The following IFT43 variants were observed in gnomAD, a reference collection of about 807,000 sequenced individuals.
IFT43 encodes intraflagellar transport protein 43 homolog.
A neutral mutation model predicts 32.3 loss-of-function variants in IFT43; 33 were observed. The observed-to-expected ratio is 1.02, with a 90% CI of 0.77 to 1.37. IFT43 has a LOEUF of 1.37. Ranked by LOEUF, IFT43 falls within the 40% of genes most tolerant of loss-of-function variation. The pLI is 0.00. For synonymous variants in IFT43, 93 were observed against 98.2 expected, an observed-to-expected ratio of 0.95 and a Z score of 0.31; for missense variants, 274 against 265.9, an observed-to-expected ratio of 1.03 and a Z score of -0.21.
At chr14:76,035,957 A>G (rs574015809) in intron 3 of IFT43, among the ~76,000 whole-genome samples, 2 of 152,346 alleles carry the variant, frequency 1.3e-5, no homozygotes, top group East Asian at 1.9e-4. Flanking sequence ...TCAGACATAT[A>G]TAAGGGCACA....
At chr14:76,060,760 A>AT (rs747539734) in intron 5 of IFT43, among the ~76,000 whole-genome samples, 7 of 151,814 alleles carry the variant, frequency 4.6e-5, no homozygotes, top group Non-Finnish European at 7.4e-5. Flanking sequence ...TTCTTTTAGC[A>AT]TTTTAAATAG....
In IFT43 at chr14:76,064,288, G is replaced by A. The variant is rs76708232; in HGVS notation, c.295+4915G>A. On this transcript the variant is annotated intron_variant, in intron 5 of 8. Transcript: ENST00000314067. ...GTTTTCCTAGATAGGTACCTAAGATGTCTTTTACCAGTGCTAAATTGTCAC... is the reference window on the plus strand; with the variant it reads ...GTTTTCCTAGATAGGTACCTAAGATATCTTTTACCAGTGCTAAATTGTCAC... Among the ~76,000 whole-genome samples, 30 of 152,286 alleles carry A rather than the reference G, an allele frequency of 2.0e-4. 1 individual carries two copies. The East Asian group carries it at 5.2e-3, about 26-fold the overall frequency.
At chr14:75,989,056 T>C in intron 2 of IFT43, 79 bp downstream of exon 2, 1 of 1,533,132 alleles carries the variant, frequency 6.5e-7, no homozygotes, top group Non-Finnish European at 8.9e-7. Flanking sequence ...GGATTTGGTA[T>C]TCCATATTTC....
chr14:76,055,180 C>T (rs995449222), intron 3 of IFT43, among the ~76,000 whole-genome samples: 1 of 151,616 alleles, frequency 6.6e-6, no homozygotes, highest in Non-Finnish European at 1.5e-5. Context: ...CCTGTTTCTA[C>T]GAAAAATAGA....
intron 3 of IFT43, chr14:76,058,416 A>G: frequency 2.0e-6 from 1 of 489,136 alleles, no homozygotes; most frequent in East Asian, 4.0e-5. Context: ...TACACTCTCA[A>G]CAATCCAATT....
intron 2 of IFT43, among the ~76,000 whole-genome samples, chr14:75,996,719 G>A (rs1287972664): frequency 6.6e-6 from 1 of 152,172 alleles, no homozygotes; most frequent in East Asian, 1.9e-4. Flanking sequence ...TCTGAAGGTC[G>A]ACAGTCTTTC....
At chr14:76,044,136 A>G (rs1462148860) in intron 3 of IFT43, among the ~76,000 whole-genome samples, 1 of 149,164 alleles carries the variant, frequency 6.7e-6, no homozygotes, top group Non-Finnish European at 1.5e-5. Context: ...TGTAACCTCC[A>G]CCTTCCGCCC....
At chr14:76,058,850 G>GGTCT (rs1156854754) in intron 4 of IFT43, 176 bp downstream of exon 4, 1 of 1,523,352 alleles carries the variant, frequency 6.6e-7, no homozygotes, top group Non-Finnish European at 8.8e-7. Context: ...CTCAACTGAA[G>GGTCT]GTCTGGACCC....
At chr14:75,990,609 T>C (rs780290227) in intron 2 of IFT43, among the ~76,000 whole-genome samples, 1 of 151,922 alleles carries the variant, frequency 6.6e-6, no homozygotes, top group Non-Finnish European at 1.5e-5. Flanking sequence ...TATGTAGAAG[T>C]GTTATGGGGC....
At chr14:75,993,592 A>G (rs771278087) in intron 2 of IFT43, among the ~76,000 whole-genome samples, 34 of 152,232 alleles carry the variant, frequency 2.2e-4, no homozygotes, top group Non-Finnish European at 4.1e-4. Context: ...CTACAACAGA[A>G]ACAACTTCAG....
chr14:76,054,285 A>G (rs542011694), intron 3 of IFT43, among the ~76,000 whole-genome samples: 18 of 152,366 alleles, frequency 1.2e-4, no homozygotes, highest in East Asian at 1.2e-3. Flanking sequence ...TTTGCTGTCT[A>G]TACCATATCG....
chr14:76,083,751 A>G (rs751101128), downstream of IFT43: 4 of 723,078 alleles, frequency 5.5e-6, no homozygotes, highest in African/African-American at 1.7e-5. Context: ...CATCTCCTCC[A>G]TTTCTTTCCA....
At chr14:75,997,608 T>G (rs2035771870) in intron 2 of IFT43, among the ~76,000 whole-genome samples, 1 of 152,244 alleles carries the variant, frequency 6.6e-6, no homozygotes, top group Non-Finnish European at 1.5e-5. Flanking sequence ...TCAGAAATCT[T>G]TTTTTGGTAT....
At chr14:76,036,336 T>TTTCCTTCC (rs926965443) in intron 3 of IFT43, among the ~76,000 whole-genome samples, 6 of 150,946 alleles carry the variant, frequency 4.0e-5, no homozygotes, top group South Asian at 4.2e-4. Context: ...TCCTTCCTTC[T>TTTCCTTCC]TTCCTTCCTT....
At chr14:76,059,099 T>C in intron 4 of IFT43, 1 of 1,452,096 alleles carries the variant, frequency 6.9e-7, no homozygotes, top group Non-Finnish European at 9.0e-7. Context: ...GCTGCATTCA[T>C]GTCATAGCCT....
intron 3 of IFT43, among the ~76,000 whole-genome samples, chr14:76,057,966 T>G (rs562846786): frequency 0.013 from 1,922 of 152,278 alleles, 51 homozygotes; most frequent in African/African-American, 0.044. Flanking sequence ...AATTTAAAAA[T>G]GCATATTCCT....
intron 3 of IFT43, among the ~76,000 whole-genome samples, chr14:76,031,291 T>C (rs1254357737): frequency 6.6e-6 from 1 of 152,162 alleles, no homozygotes; most frequent in East Asian, 1.9e-4. Context: ...AAATGGCTAT[T>C]GTCCCAGCAC....
chr14:76,055,152 T>C (rs774020694), intron 3 of IFT43, among the ~76,000 whole-genome samples: 1 of 152,090 alleles, frequency 6.6e-6, no homozygotes, highest in Non-Finnish European at 1.5e-5. Flanking sequence ...AAGAACAGCC[T>C]GGACAATACA....
At position 76,002,115 on chromosome 14, in the gene IFT43, C is replaced by T. The variant is rs989019846; in HGVS notation, c.147+13138C>T. Among the ~76,000 whole-genome samples the T allele has an allele frequency of 1.4e-4, 21 of 152,260 alleles. No individual in the cohort carries two copies. The East Asian group carries it at 1.5e-3, about 11-fold the overall frequency. On this transcript the variant is annotated intron_variant, in intron 2 of 8. Coordinates refer to ENST00000314067, the MANE Select transcript of IFT43 (RefSeq NM_001102564.3). ...ATACAAAATTAGCTGGGCGTGGTGGCGCAGGCCTGTAATCCCAGCTACTCA... is the reference window on the plus strand; with the variant it reads ...ATACAAAATTAGCTGGGCGTGGTGGTGCAGGCCTGTAATCCCAGCTACTCA...
Sources: gnomAD v4.1 joint callset for allele counts (sites outside exome capture counted in the v4.1 genomes callset) on GRCh38, gnomAD v4.1.1 for gene constraint, MANE v1.5 for transcripts, NCBI Gene and HGNC (gene_info 2026-07-23, HGNC 2026-07-21) for gene names.